Variants in COBLL1 observed in about 807,000 individuals in gnomAD.
The protein encoded by COBLL1 is cordon-bleu WH2 repeat protein like 1.
In COBLL1, 50 loss-of-function variants were observed where a neutral mutation model predicts 94.8. The ratio of observed to expected loss-of-function variants is 0.53; its 90% CI spans 0.42 to 0.67. The LOEUF (loss-of-function observed/expected upper bound fraction) is 0.67. Among genes scored for constraint, COBLL1 ranks in the 30% least tolerant of loss-of-function variants. COBLL1 has a pLI of 0.00. For synonymous variants in COBLL1, 448 were observed against 473.8 expected (o/e 0.95, Z 0.71); for missense variants, 1,362 against 1,348.7 (o/e 1.01, Z -0.15).
chr2:164,711,237 T>C lies in COBLL1; in HGVS notation c.997-6132A>G, dbSNP rs543368920. 2.5e-4 allele frequency among the ~76,000 whole-genome samples: 38 copies of C among 152,336 alleles called. No homozygotes were observed. In the South Asian group the frequency reaches 7.5e-3, roughly 30 times the overall value. ...ACATAGCACAGTGCCTAGCATACAA[T>C]ACATGCTTCATAACCATCAGCTGAT... is the stretch of plus-strand genomic sequence containing the variant. On this transcript the variant is annotated intron_variant, in intron 7 of 13. Coordinates refer to ENST00000652658, the MANE Select transcript of COBLL1 (RefSeq NM_001365672.2).
At chr2:164,799,713 C>G (rs1455558164) in intron 2 of COBLL1, among the ~76,000 whole-genome samples, 1 of 152,116 alleles carries the variant, frequency 6.6e-6, no homozygotes, top group African/African-American at 2.4e-5. Context: ...AAGAAAGCTA[C>G]AGTAATCAAA....
intron 2 of COBLL1, among the ~76,000 whole-genome samples, chr2:164,753,985 G>A (rs772586708): frequency 1.1e-4 from 16 of 151,862 alleles, no homozygotes; most frequent in Admixed American, 4.6e-4. Flanking sequence ...CACTTGCCTC[G>A]GCCTCCTAAA....
At chr2:164,773,265 T>TAAA (rs1238779847) in intron 2 of COBLL1, among the ~76,000 whole-genome samples, 2 of 152,118 alleles carry the variant, frequency 1.3e-5, no homozygotes, top group Non-Finnish European at 2.9e-5. Flanking sequence ...GCTAAAGCCC[T>TAAA]AGATTAGCGT....
intron 8 of COBLL1, 26 bp downstream of exon 8, chr2:164,704,926 T>C: frequency 2.0e-6 from 3 of 1,535,776 alleles, no homozygotes; most frequent in Non-Finnish European, 2.6e-6. Context: ...AATACAAATG[T>C]AATGTTAATG....
At chr2:164,744,027 A>C in intron 2 of COBLL1, 152 bp from the exon 3 acceptor site, 1 of 559,326 alleles carries the variant, frequency 1.8e-6, no homozygotes. Context: ...TGGATGGTCG[A>C]ATTAGGATTT....
chr2:164,757,349 G>C (rs1389206852), intron 2 of COBLL1, among the ~76,000 whole-genome samples: 1 of 151,934 alleles, frequency 6.6e-6, no homozygotes, highest in Admixed American at 6.6e-5. Flanking sequence ...ATTCACTCAG[G>C]ATCAGTGAAT....
intron 3 of COBLL1, among the ~76,000 whole-genome samples, chr2:164,740,218 C>T (rs958296397): frequency 1.3e-5 from 2 of 151,980 alleles, no homozygotes; most frequent in African/African-American, 4.8e-5. Flanking sequence ...CAAGAATTAG[C>T]TGGGCATGGT....
At position 164,705,011 on chromosome 2, in the gene COBLL1, GC is replaced by G; in HGVS notation, c.1090del (p.Ala364HisfsTer19). 1 of 1,605,202 alleles carries G rather than the reference GC, an allele frequency of 6.2e-7. No individual in the cohort carries two copies. The highest frequency in any genetic ancestry group is 2.3e-5 in the East Asian group (1 of 44,314). On this transcript the variant is annotated frameshift_variant, in exon 8 of 14. Transcript: ENST00000652658. LOFTEE classifies it high-confidence loss of function. The stretch of plus-strand genomic sequence containing the variant: ...GGGTATTTTGGAGGGTGGGGAAGGT[GC>G]TTTTCGCTTTGTCCTTCTCAAAGAT... ...NSSLRRTKRK[A>X]PSPPSKIPPH... is the part of the protein sequence containing the mutation.
intron 5 of COBLL1, chr2:164,724,675 G>A (rs1685628199): frequency 6.6e-6 from 1 of 152,096 alleles, no homozygotes; most frequent in South Asian, 2.1e-4. Flanking sequence ...ATTAAAATTT[G>A]TGAGACATAA....
chr2:164,732,489 T>C (rs1686071258), intron 3 of COBLL1, among the ~76,000 whole-genome samples: 1 of 152,214 alleles, frequency 6.6e-6, no homozygotes, highest in South Asian at 2.1e-4. Flanking sequence ...TCTTTGATAG[T>C]AAATAAAGTT....
At chr2:164,711,540 C>G (rs1425643982) in intron 7 of COBLL1, among the ~76,000 whole-genome samples, 1 of 152,182 alleles carries the variant, frequency 6.6e-6, no homozygotes, top group East Asian at 1.9e-4. Flanking sequence ...TGAGTCAACT[C>G]AGGTCTCTTC....
In COBLL1 at chr2:164,683,003, C is replaced by CAT. The variant is rs1282661829; in HGVS notation, c.*2941_*2942dup. 1.6e-5 allele frequency: 2 copies of CAT among 127,812 alleles called. No individual in the cohort carries two copies. The highest frequency in any genetic ancestry group is 3.3e-5 in the Non-Finnish European group (2 of 60,486). 7.9% of individuals were successfully genotyped at this position (127,812 alleles called of 1,614,324 possible). Reference sequence around the variant, plus strand: ...ACCTCCTTTCATGTTAAGAAACACACATACACACACACACACACACACACA... The same window carrying CAT: ...ACCTCCTTTCATGTTAAGAAACACACATATACACACACACACACACACACACA... On this transcript the variant is annotated 3_prime_UTR_variant, in exon 14 of 14. Coordinates refer to ENST00000652658, the MANE Select transcript of COBLL1 (RefSeq NM_001365672.2).
Position 164,705,039 on chromosome 2 carries a change from A to T in COBLL1, c.1063T>A (p.Ser355Thr). 1 of 1,602,958 alleles carries T rather than the reference A, an allele frequency of 6.2e-7. No individual in the cohort carries two copies. The highest frequency in any genetic ancestry group is 1.3e-5 in the African/African-American group (1 of 74,470). ...TTTCGCTTTGTCCTTCTCAAAGATG[A>T]ATTCCCTGCAGACATGCTGCTGAGC... Reference protein sequence around the residue: ...LQLSSMSAGNSSLRRTKRKAP... With the variant: ...LQLSSMSAGNTSLRRTKRKAP... Residue 355 changes from serine to threonine, a missense_variant, in exon 8 of 14, where the codon TCA becomes ACA. By Grantham distance (58) the Ser-to-Thr change is moderately conservative. Transcript: ENST00000652658.
At chr2:164,703,292 AT>A (rs1365357568) in intron 9 of COBLL1, 18 of 906,752 alleles carry the variant, frequency 2.0e-5, no homozygotes, top group Non-Finnish European at 2.9e-5. Flanking sequence ...ACCAAGAAGC[AT>A]TTTGGAAGAA....
intron 6 of COBLL1, 43 bp from the exon 7 acceptor site, chr2:164,722,354 A>C: frequency 6.4e-7 from 1 of 1,553,872 alleles, no homozygotes; most frequent in Non-Finnish European, 8.8e-7. Flanking sequence ...ATTTCAAGAT[A>C]TTAGTAAAAA....
rs527339564 is a variant in COBLL1 at position 164,682,799 on chromosome 2, A to C, written c.*3147T>G. On this transcript the variant is annotated 3_prime_UTR_variant, in exon 14 of 14. Coordinates refer to ENST00000652658, the MANE Select transcript of COBLL1 (RefSeq NM_001365672.2). ...TAATTTGCCCAAGATCCCATGACTC[A>C]TAAGTGGCAGACTTGTGATCTGAAC... 1 of 152,102 alleles carries C rather than the reference A, an allele frequency of 6.6e-6. No homozygotes were observed. The highest frequency in any genetic ancestry group is 1.5e-5 in the Non-Finnish European group (1 of 68,026). 9.4% of individuals were successfully genotyped at this position (152,102 alleles called of 1,614,324 possible).
chr2:164,707,368 T>C (rs1413037938), intron 7 of COBLL1, among the ~76,000 whole-genome samples: 2 of 152,172 alleles, frequency 1.3e-5, no homozygotes, highest in Admixed American at 6.5e-5. Flanking sequence ...CTCGAACTCC[T>C]GACCTCAAGT....
rs751469877 is a variant in COBLL1, at chr2:164,695,341, T to G, written c.2051A>C (p.Asp684Ala). The stretch of plus-strand genomic sequence containing the variant: ...AATCCTATCTACAGGAGGCAAAAGA[T>G]CATCATTACCATGTGCACAAATTGG... ...KDPICAHGND[D>A]LLPPVDRIDK... is the part of the protein sequence containing the mutation. The change falls in exon 12 of 14, where the codon GAT becomes GCT. Residue 684 changes from aspartate (D) to alanine (A), a missense_variant. Asp to Ala is a moderately radical substitution (Grantham distance 126). Coordinates refer to ENST00000652658, the MANE Select transcript of COBLL1 (RefSeq NM_001365672.2). 6.2e-7 allele frequency: 1 copy of G among 1,613,946 alleles called. No individual in the cohort carries two copies. Among genetic ancestry groups the G allele is most frequent in the South Asian group, 1.1e-5 (1 of 91,078 alleles).
intron 2 of COBLL1, among the ~76,000 whole-genome samples, chr2:164,663,423 T>C (rs1223161619): frequency 6.6e-6 from 1 of 152,180 alleles, no homozygotes; most frequent in Non-Finnish European, 1.5e-5. Flanking sequence ...GTTTCTCAAG[T>C]ATTTAAAAAT....
Sources: gnomAD v4.1 joint callset for allele counts (sites outside exome capture counted in the v4.1 genomes callset) on GRCh38, gnomAD v4.1.1 for gene constraint, MANE v1.5 for transcripts, NCBI Gene and HGNC (gene_info 2026-07-23, HGNC 2026-07-21) for gene names.